The following ADCY3 variants were observed in gnomAD, a reference collection of about 807,000 sequenced individuals.
The protein encoded by ADCY3 is adenylate cyclase 3.
In ADCY3, 70 loss-of-function variants were observed where a neutral mutation model predicts 119.4. The ratio of observed to expected loss-of-function variants is 0.59; its 90% confidence interval spans 0.48 to 0.72. The LOEUF is 0.72. Ranked by LOEUF, ADCY3 falls within the 30% of genes least tolerant of loss-of-function variation. ADCY3 has a pLI of 0.00. For synonymous variants in ADCY3, 672 were observed against 621.4 expected (o/e 1.08, Z -1.21); for missense variants, 1,238 against 1,541.6 (o/e 0.80, Z 3.30).
At chr2:24,912,990 T>C (rs796076515) in intron 2 of ADCY3, among the ~76,000 whole-genome samples, 10 of 152,376 alleles carry the variant, frequency 6.6e-5, no homozygotes, top group African/African-American at 2.2e-4. Context: ...TGCAGTCCCC[T>C]TCTACGCACG....
At chr2:24,822,384 G>A in intron 19 of ADCY3, 127 bp downstream of exon 19, 1 of 1,273,652 alleles carries the variant, frequency 7.9e-7, no homozygotes, top group Non-Finnish European at 1.1e-6. Flanking sequence ...ATATTTACGT[G>A]GTGCTGGTGG....
intron 19 of ADCY3, 85 bp from the exon 20 acceptor site, chr2:24,821,725 G>C (rs891092634): frequency 1.9e-5 from 30 of 1,551,228 alleles, no homozygotes; most frequent in Non-Finnish European, 2.4e-5. Context: ...GTGTTCTGGG[G>C]GTGGATTCCC....
At chr2:24,874,359 T>C (rs1046548559) in intron 2 of ADCY3, among the ~76,000 whole-genome samples, 2 of 152,336 alleles carry the variant, frequency 1.3e-5, no homozygotes, top group East Asian at 3.9e-4. Context: ...GGGGCAAGTC[T>C]GTTGGGGCAG....
chr2:24,879,269 G>A (rs1335692893), intron 2 of ADCY3, among the ~76,000 whole-genome samples: 1 of 151,914 alleles, frequency 6.6e-6, no homozygotes, highest in Non-Finnish European at 1.5e-5. Flanking sequence ...TCAGGAAATC[G>A]AGACCATCCT....
At chr2:24,850,597 G>A (rs1173051917) in intron 3 of ADCY3, among the ~76,000 whole-genome samples, 5 of 152,318 alleles carry the variant, frequency 3.3e-5, no homozygotes, top group African/African-American at 1.2e-4. Context: ...CGTTTCAAGA[G>A]TCACAAGAAT....
chr2:24,840,394 T>C (rs939743380), intron 6 of ADCY3: 6 of 394,000 alleles, frequency 1.5e-5, no homozygotes, highest in Non-Finnish European at 2.5e-5. Context: ...GTGAAGAAAA[T>C]AGCCGTGAAC....
chr2:24,873,760 C>T (rs1050551101), intron 2 of ADCY3, among the ~76,000 whole-genome samples: 2 of 152,250 alleles, frequency 1.3e-5, no homozygotes, highest in African/African-American at 4.8e-5. Flanking sequence ...CTGGCTCCTC[C>T]AGCTTCCCTG....
At chr2:24,869,262 T>C (rs1343672055) in intron 3 of ADCY3, among the ~76,000 whole-genome samples, 1 of 152,098 alleles carries the variant, frequency 6.6e-6, no homozygotes, top group African/African-American at 2.4e-5. Context: ...AATGGACATG[T>C]TTCTGGGGGA....
rs1664832050 is a variant in ADCY3 at position 24,919,301 on chromosome 2, C to A, written c.-197-117G>T. Reference sequence around the variant, plus strand: ...CTGCAAGAGCCTCCCAACCCAGGGCCTTCCCTGCCACCCCCGGCTCACACC... The same window carrying A: ...CTGCAAGAGCCTCCCAACCCAGGGCATTCCCTGCCACCCCCGGCTCACACC... On this transcript the variant is annotated intron_variant, in intron 1 of 21. Coordinates refer to ENST00000679454, the MANE Select transcript of ADCY3 (RefSeq NM_004036.5). This position sits in a 1 kb window ranked among gnomAD's most constrained non-coding sequence, Gnocchi z 5.5. 6.4e-6 allele frequency: 2 copies of A among 312,078 alleles called. No homozygotes were observed. The highest frequency in any genetic ancestry group is 1.2e-5 in the Non-Finnish European group (2 of 166,038). 19.3% of individuals were successfully genotyped at this position (312,078 alleles called of 1,614,324 possible).
intron 3 of ADCY3, among the ~76,000 whole-genome samples, chr2:24,855,280 C>T (rs2148684581): frequency 6.6e-6 from 1 of 152,176 alleles, no homozygotes; most frequent in Non-Finnish European, 1.5e-5. Flanking sequence ...TTGGAGGCCC[C>T]AAGAGAGAAA....
intron 3 of ADCY3, among the ~76,000 whole-genome samples, chr2:24,871,380 C>A (rs2148809582): frequency 6.6e-6 from 1 of 152,308 alleles, no homozygotes; most frequent in East Asian, 1.9e-4. Flanking sequence ...ACCTTTGTCA[C>A]AATGGCAGCC....
chr2:24,874,965 G>A (rs1275956800), intron 2 of ADCY3, among the ~76,000 whole-genome samples: 5 of 152,216 alleles, frequency 3.3e-5, no homozygotes, highest in Non-Finnish European at 7.3e-5. Context: ...TTGGTGATTG[G>A]TGTGAAGTTT....
intron 15 of ADCY3, chr2:24,826,388 T>G: frequency 2.3e-6 from 1 of 426,006 alleles, no homozygotes; most frequent in Non-Finnish European, 4.2e-6. Context: ...CCCAGGTATT[T>G]AAGAAACACT....
intron 2 of ADCY3, among the ~76,000 whole-genome samples, chr2:24,881,674 C>A (rs927018005): frequency 6.6e-6 from 1 of 152,230 alleles, no homozygotes; most frequent in African/African-American, 2.4e-5. Context: ...TGAACAGCTA[C>A]AGTGGTAAAA....
intron 2 of ADCY3, among the ~76,000 whole-genome samples, chr2:24,883,341 C>G (rs1034010208): frequency 4.7e-5 from 6 of 126,564 alleles, no homozygotes; most frequent in Admixed American, 1.5e-4. Flanking sequence ...CAGAGAGACT[C>G]TGTCTCAAAA....
intron 2 of ADCY3, among the ~76,000 whole-genome samples, chr2:24,908,200 T>A (rs893077600): frequency 2.0e-5 from 3 of 151,736 alleles, no homozygotes; most frequent in Admixed American, 1.3e-4. Flanking sequence ...CGCATGCCTG[T>A]AACCCCAGCT....
intron 2 of ADCY3, among the ~76,000 whole-genome samples, chr2:24,911,690 A>T (rs984826287): frequency 1.3e-5 from 2 of 148,398 alleles, no homozygotes; most frequent in Non-Finnish European, 3.0e-5. Flanking sequence ...GCCCAGCTGA[A>T]TTTTTTTTGG....
In ADCY3 at chr2:24,827,922, G is replaced by A; in HGVS notation, c.2412C>T (p.His804=). The A allele has an allele frequency of 6.2e-7, 1 of 1,614,178 alleles. No individual in the cohort carries two copies. The highest frequency in any genetic ancestry group is 8.5e-7 in the Non-Finnish European group (1 of 1,180,028). The change falls in exon 14 of 22, where the codon CAC becomes CAT. Residue 804 remains histidine (H), a synonymous_variant. Coordinates refer to ENST00000679454, the MANE Select transcript of ADCY3 (RefSeq NM_004036.5). ...CTTACTCGTGCTCCCGAAAACGCTT[G>A]TGGTCGTATTCATCAAAGACGGGAC... The part of the protein sequence containing the change: ...AWRPVFDEYD[H]KRFREHDLPM...
At chr2:24,915,947 C>T (rs2149083697) in intron 2 of ADCY3, among the ~76,000 whole-genome samples, 1 of 152,226 alleles carries the variant, frequency 6.6e-6, no homozygotes, top group South Asian at 2.1e-4. Flanking sequence ...TCACATTAGT[C>T]CCAAACCAGT....
Sources: allele counts gnomAD v4.1 joint callset (sites outside exome capture counted in the v4.1 genomes callset), GRCh38; gene constraint gnomAD v4.1.1; non-coding constraint Gnocchi (gnomAD v3.1); transcripts MANE v1.5; gene names NCBI Gene and HGNC (gene_info 2026-07-23, HGNC 2026-07-21).